Variants in IER3IP1 observed in about 807,000 individuals in gnomAD.
IER3IP1 encodes the protein immediate early response 3 interacting protein 1.
A neutral mutation model predicts 12.2 loss-of-function variants in IER3IP1; 16 were observed. The observed-to-expected ratio is 1.31, with a 90% CI of 0.89 to 1.99. The LOEUF (loss-of-function observed/expected upper bound fraction) is 1.99. Among genes scored for constraint, IER3IP1 ranks in the 30% most tolerant of loss-of-function variants. IER3IP1 has a pLI of 0.00. For synonymous variants in IER3IP1, 42 were observed against 40.0 expected, an observed-to-expected ratio of 1.05 and a Z score of -0.19; for missense variants, 95 against 95.8, an observed-to-expected ratio of 0.99 and a Z score of 0.03.
intron 1 of IER3IP1, among the ~76,000 whole-genome samples, chr18:47,160,453 C>T (rs923112957): frequency 3.0e-4 from 46 of 152,220 alleles, no homozygotes; most frequent in African/African-American, 1.1e-3. Context: ...ATGCCATCGG[C>T]TGGAAGGAAT....
At chr18:47,156,578 T>C (rs1188269876) in intron 2 of IER3IP1, among the ~76,000 whole-genome samples, 1 of 152,160 alleles carries the variant, frequency 6.6e-6, no homozygotes, top group African/African-American at 2.4e-5. Context: ...ATTAGAAATA[T>C]AGTGCATAGA....
chr18:47,167,759 G>A (rs187490277), intron 1 of IER3IP1, among the ~76,000 whole-genome samples: 52 of 152,184 alleles, frequency 3.4e-4, no homozygotes, highest in African/African-American at 1.3e-3. Flanking sequence ...ATTCCTTGAA[G>A]GCAAGAACCA....
intron 1 of IER3IP1, among the ~76,000 whole-genome samples, chr18:47,173,636 T>A (rs1396631765): frequency 6.6e-6 from 1 of 152,182 alleles, no homozygotes; most frequent in African/African-American, 2.4e-5. Flanking sequence ...ATGCCCAGCC[T>A]CTACTTTTAA....
chr18:47,176,292 G>T lies in IER3IP1; in HGVS notation c.-15C>A, dbSNP rs759119401. 15 of 1,593,000 alleles carry T rather than the reference G, an allele frequency of 9.4e-6. No individual in the cohort carries two copies. In the Admixed American group the frequency reaches 2.2e-4, roughly 24 times the overall value. ...GTAAAGGCCATGGCCGTCCGAGGCC[G>T]CCCCGAAGTCCAAGCGATTTCTCTC... On this transcript the variant is annotated 5_prime_UTR_variant, in exon 1 of 3. Transcript: ENST00000256433.
rs2063955589 is a variant in IER3IP1, at chr18:47,155,563, A to G, written c.*614T>C. 1 of 152,214 alleles carries G rather than the reference A, an allele frequency of 6.6e-6. No individual in the cohort carries two copies. The highest frequency in any genetic ancestry group is 2.1e-4 in the South Asian group (1 of 4,834). The allele number at this position is 152,214 out of a possible 1,614,324, so 9.4% of individuals were successfully genotyped here. ...ATAACAAGTGCATGGAAAGAATGTTAAACAAAAACATAATCATCATGTGAC... is the reference window on the plus strand; with the variant it reads ...ATAACAAGTGCATGGAAAGAATGTTGAACAAAAACATAATCATCATGTGAC... On this transcript the variant is annotated 3_prime_UTR_variant, in exon 3 of 3. Coordinates refer to ENST00000256433, the MANE Select transcript of IER3IP1 (RefSeq NM_016097.5).
chr18:47,174,999 G>T (rs1218829390), intron 1 of IER3IP1, among the ~76,000 whole-genome samples: 1 of 152,108 alleles, frequency 6.6e-6, no homozygotes, highest in East Asian at 1.9e-4. Flanking sequence ...CTCTATACTT[G>T]TTATTGTCAT....
At chr18:47,175,556 C>A (rs113758635) in intron 1 of IER3IP1, among the ~76,000 whole-genome samples, 7 of 152,152 alleles carry the variant, frequency 4.6e-5, no homozygotes, top group African/African-American at 1.7e-4. Context: ...CTCTGCCTCC[C>A]AGGTTTAAGT....
rs1184333035 is a variant in IER3IP1, at chr18:47,165,543, ACT to A, written c.92-8008_92-8007del. Among the ~76,000 whole-genome samples, 11 of 130,652 alleles carry A rather than the reference ACT, an allele frequency of 8.4e-5. No homozygotes were observed. The East Asian group carries it at 2.3e-3, about 27-fold the overall frequency. The allele number at this position is 130,652 out of a possible 152,430, so 85.7% of individuals were successfully genotyped here. A position where few individuals can be genotyped will look rare whatever the true frequency, so the allele number is the denominator to read the frequency against. ...ACTCCAGCCTGGGGGACAGAACAAG[ACT>A]CTGTCTCAAAAAAAAAAAAAAAAGA... is the stretch of plus-strand genomic sequence containing the variant. On this transcript the variant is annotated intron_variant, in intron 1 of 2. Coordinates refer to ENST00000256433, the MANE Select transcript of IER3IP1 (RefSeq NM_016097.5).
chr18:47,159,655 T>C (rs975784323), intron 1 of IER3IP1, among the ~76,000 whole-genome samples: 2 of 152,204 alleles, frequency 1.3e-5, no homozygotes, highest in African/African-American at 4.8e-5. Flanking sequence ...CAACATGTGA[T>C]AATGTGTTAT....
At chr18:47,175,084 G>A (rs1309560487) in intron 1 of IER3IP1, among the ~76,000 whole-genome samples, 2 of 152,034 alleles carry the variant, frequency 1.3e-5, no homozygotes, top group East Asian at 3.8e-4. Context: ...ACTATAAATG[G>A]GCCTGGCACA....
chr18:47,159,437 C>T (rs2063972543), intron 1 of IER3IP1, among the ~76,000 whole-genome samples: 1 of 152,192 alleles, frequency 6.6e-6, no homozygotes, highest in Admixed American at 6.5e-5. Context: ...ACAAAGTCAA[C>T]ACTGTGGTAA....
intron 1 of IER3IP1, among the ~76,000 whole-genome samples, chr18:47,169,266 A>G (rs1379933962): frequency 2.0e-5 from 3 of 152,234 alleles, no homozygotes; most frequent in African/African-American, 7.2e-5. Flanking sequence ...GTAGTGTGTA[A>G]TAATACTTCA....
chr18:47,171,663 A>G (rs1250987333), intron 1 of IER3IP1, among the ~76,000 whole-genome samples: 1 of 152,156 alleles, frequency 6.6e-6, no homozygotes, highest in African/African-American at 2.4e-5. Flanking sequence ...TATGTATTTC[A>G]TTAACTTTCA....
intron 1 of IER3IP1, among the ~76,000 whole-genome samples, chr18:47,168,036 G>C (rs1231004182): frequency 7.3e-6 from 1 of 136,072 alleles, no homozygotes; most frequent in Non-Finnish European, 1.5e-5. Flanking sequence ...TGAGGCAGAA[G>C]AATCACTTGA....
intron 1 of IER3IP1, among the ~76,000 whole-genome samples, chr18:47,175,757 G>A (rs2064030787): frequency 1.3e-5 from 2 of 151,606 alleles, no homozygotes; most frequent in African/African-American, 2.4e-5. Context: ...CACCGCGCCC[G>A]GCCCCACACC....
chr18:47,169,520 T>C (rs2064008214), intron 1 of IER3IP1, among the ~76,000 whole-genome samples: 1 of 152,168 alleles, frequency 6.6e-6, no homozygotes, highest in Admixed American at 6.5e-5. Context: ...TTTTACATTC[T>C]CTTTAACAAT....
intron 1 of IER3IP1, among the ~76,000 whole-genome samples, chr18:47,158,361 C>CT (rs928247046): frequency 6.2e-4 from 94 of 152,104 alleles, no homozygotes; most frequent in Admixed American, 5.8e-3. Context: ...AGGTTTTACT[C>CT]TGTCACCCTG....
intron 1 of IER3IP1, among the ~76,000 whole-genome samples, chr18:47,168,153 A>T (rs1463333493): frequency 7.8e-4 from 96 of 123,858 alleles, no homozygotes; most frequent in African/African-American, 3.3e-3. Flanking sequence ...AAAAAAAAAA[A>T]AATTTTAGCT....
intron 1 of IER3IP1, among the ~76,000 whole-genome samples, chr18:47,175,910 T>G (rs187706557): frequency 6.6e-6 from 1 of 152,050 alleles, no homozygotes; most frequent in East Asian, 1.9e-4. Context: ...TGAATTAAAT[T>G]ACTGACCTGA....
Sources: gnomAD v4.1 joint callset for allele counts (sites outside exome capture counted in the v4.1 genomes callset) on GRCh38, gnomAD v4.1.1 for gene constraint, MANE v1.5 for transcripts, NCBI Gene and HGNC (gene_info 2026-07-23, HGNC 2026-07-21) for gene names.